The following RBFOX1 variants were observed in gnomAD, a reference collection of about 807,000 sequenced individuals.
RBFOX1 encodes the protein RNA binding fox-1 homolog 1.
Under a neutral mutation model 57.7 loss-of-function variants are expected in RBFOX1, and 8 were observed. The ratio of observed to expected loss-of-function variants is 0.14; its 90% CI spans 0.08 to 0.25. RBFOX1 has a LOEUF of 0.25. Ranked by LOEUF, RBFOX1 falls within the 10% of genes least tolerant of loss-of-function variation. The pLI, the probability that RBFOX1 is intolerant of heterozygous loss-of-function variation, is 1.00. For synonymous variants in RBFOX1, 326 were observed against 222.4 expected (o/e 1.47, Z -4.15); for missense variants, 611 against 548.5 (o/e 1.11, Z -1.14).
intron 3 of RBFOX1, among the ~76,000 whole-genome samples, chr16:5,796,110 T>C (rs756377474): frequency 1.7e-4 from 26 of 152,052 alleles, no homozygotes; most frequent in Non-Finnish European, 3.5e-4. Context: ...GAAGGCATGG[T>C]TGAATTTTGG....
intron 1 of RBFOX1, among the ~76,000 whole-genome samples, chr16:5,263,297 G>A (rs2062780675): frequency 1.3e-5 from 2 of 152,042 alleles, no homozygotes; most frequent in Non-Finnish European, 2.9e-5. Context: ...TGCTGTTTTT[G>A]CCATTACTTG....
intron 4 of RBFOX1, among the ~76,000 whole-genome samples, chr16:7,072,584 C>A (rs974360455): frequency 6.6e-6 from 1 of 152,172 alleles, no homozygotes; most frequent in Non-Finnish European, 1.5e-5. Context: ...GCACCAATAA[C>A]ATAATCTGGC....
In RBFOX1 at chr16:6,940,992, C is replaced by T. The variant is rs916560007; in HGVS notation, c.-15-111065C>T. On this transcript the variant is annotated intron_variant, in intron 3 of 15. Coordinates refer to ENST00000550418, the MANE Select transcript of RBFOX1 (RefSeq NM_018723.4). ...AAAGTGCTGGGATTACAGGCATGAG[C>T]CACCACACCCGGCCCCCCTTATCGT... Among the ~76,000 whole-genome samples the T allele has an allele frequency of 6.6e-5, 10 of 152,038 alleles. No homozygotes were observed. In the Middle Eastern group the frequency reaches 0.017, roughly 259 times the overall value.
intron 4 of RBFOX1, among the ~76,000 whole-genome samples, chr16:7,474,794 G>A (rs573981732): frequency 6.6e-5 from 10 of 152,278 alleles, no homozygotes; most frequent in Admixed American, 1.3e-4. Flanking sequence ...AGTATAAAGC[G>A]TTCACCATGA....
At chr16:5,838,082 C>T (rs1459687837) in intron 3 of RBFOX1, 1 of 153,044 alleles carries the variant, frequency 6.5e-6, no homozygotes, top group Non-Finnish European at 1.5e-5. Context: ...CTCTTTACTA[C>T]ATGGCAGAAG....
chr16:7,448,830 G>T (rs148923397), intron 4 of RBFOX1, among the ~76,000 whole-genome samples: 1 of 151,702 alleles, frequency 6.6e-6, no homozygotes, highest in Admixed American at 6.6e-5. Context: ...TGGATTTAGG[G>T]CCCACTTTAA....
chr16:6,624,242 C>G (rs892723867), intron 2 of RBFOX1, among the ~76,000 whole-genome samples: 2 of 152,088 alleles, frequency 1.3e-5, no homozygotes, highest in African/African-American at 2.4e-5. Context: ...GGAAAAGAAA[C>G]TTTGGGTCAG....
At chr16:6,665,263 C>T (rs944578933) in intron 3 of RBFOX1, among the ~76,000 whole-genome samples, 2 of 152,122 alleles carry the variant, frequency 1.3e-5, no homozygotes, top group East Asian at 3.9e-4. Flanking sequence ...GTTTGTCTTC[C>T]CTCAGCCACC....
At chr16:7,404,576 G>A (rs997359305) in intron 4 of RBFOX1, among the ~76,000 whole-genome samples, 24 of 152,192 alleles carry the variant, frequency 1.6e-4, no homozygotes, top group African/African-American at 5.5e-4. Context: ...CTTAAAGAAT[G>A]TAAATAATTT....
chr16:6,534,655 TA>T (rs544104804), intron 2 of RBFOX1, among the ~76,000 whole-genome samples: 1 of 152,236 alleles, frequency 6.6e-6, no homozygotes, highest in African/African-American at 2.4e-5. Context: ...ATAAATGCAA[TA>T]AAAAAATCTT....
chr16:6,703,359 A>C (rs1244971692), intron 3 of RBFOX1, among the ~76,000 whole-genome samples: 1 of 152,074 alleles, frequency 6.6e-6, no homozygotes, highest in Non-Finnish European at 1.5e-5. Flanking sequence ...GGTTTGCTTG[A>C]GCCCAGGGGT....
chr16:7,280,987 C>T lies in RBFOX1; in HGVS notation c.27+228889C>T, dbSNP rs1297000789. ...TCCCTCCCTCCCTCCCTCCCTCCCT[C>T]CCTCCTTCCTTCCTTCCTTCCTTCC... On this transcript the variant is annotated intron_variant, in intron 4 of 15. Transcript: ENST00000550418. 1.0e-4 allele frequency among the ~76,000 whole-genome samples: 12 copies of T among 120,418 alleles called. No individual in the cohort carries two copies. In the East Asian group the frequency reaches 2.7e-3, roughly 27 times the overall value. 79.0% of individuals were successfully genotyped at this position (120,418 alleles called of 152,430 possible). A position where few individuals can be genotyped will look rare whatever the true frequency, so the allele number is the denominator to read the frequency against.
chr16:6,407,567 G>C (rs2534740), intron 2 of RBFOX1, among the ~76,000 whole-genome samples: 41,947 of 144,922 alleles, frequency 0.29, 6,647 homozygotes, highest in Middle Eastern at 0.47. Flanking sequence ...GTGTGTGTGT[G>C]ACAGAGAGAG....
At chr16:7,096,431 T>C (rs1053876730) in intron 4 of RBFOX1, among the ~76,000 whole-genome samples, 4 of 152,198 alleles carry the variant, frequency 2.6e-5, no homozygotes, top group African/African-American at 9.6e-5. Context: ...TAGTAGCTTC[T>C]GGCTGACATG....
intron 5 of RBFOX1, among the ~76,000 whole-genome samples, chr16:7,566,398 G>T (rs1488594773): frequency 6.6e-6 from 1 of 152,120 alleles, no homozygotes; most frequent in African/African-American, 2.4e-5. Flanking sequence ...CTTTGCAGCT[G>T]CTCTACGTGC....
chr16:6,287,495 C>T (rs548062414), intron 1 of RBFOX1, among the ~76,000 whole-genome samples: 1 of 152,074 alleles, frequency 6.6e-6, no homozygotes, highest in Non-Finnish European at 1.5e-5. Flanking sequence ...GGCTGCAATA[C>T]CAAATACTAG....
intron 2 of RBFOX1, among the ~76,000 whole-genome samples, chr16:6,365,388 A>T (rs1220282529): frequency 6.6e-6 from 1 of 151,440 alleles, no homozygotes; most frequent in Non-Finnish European, 1.5e-5. Flanking sequence ...GGATAGGTGG[A>T]TGGATGAGTA....
chr16:5,987,626 C>T (rs1305148594), intron 4 of RBFOX1, among the ~76,000 whole-genome samples: 1 of 152,070 alleles, frequency 6.6e-6, no homozygotes, highest in Non-Finnish European at 1.5e-5. Context: ...TCACTTGAGG[C>T]CAGGAGTTCG....
At chr16:6,158,664 G>C (rs1230562269) in intron 1 of RBFOX1, among the ~76,000 whole-genome samples, 3 of 152,128 alleles carry the variant, frequency 2.0e-5, no homozygotes, top group Non-Finnish European at 2.9e-5. Context: ...CAGAGAAAAA[G>C]TCAGACAAAA....
Sources: gnomAD v4.1 joint callset for allele counts (sites outside exome capture counted in the v4.1 genomes callset) on GRCh38, gnomAD v4.1.1 for gene constraint, MANE v1.5 for transcripts, NCBI Gene and HGNC (gene_info 2026-07-23, HGNC 2026-07-21) for gene names.